Variants in PRR16 observed in about 807,000 individuals in gnomAD.
PRR16 encodes protein Largen.
In PRR16, 6 loss-of-function variants were observed where a neutral mutation model predicts 18.2. The observed-to-expected ratio is 0.33, with a 90% CI of 0.18 to 0.65. The LOEUF is 0.65. PRR16 is among the 30% of genes least tolerant of loss of function. The probability of loss-of-function intolerance (pLI) is 0.74; values close to 1 mark genes in which losing one functional copy is unlikely to be tolerated. For missense variants in PRR16, 412 were observed against 376.6 expected, an observed-to-expected ratio of 1.09 and a Z score of -0.78; for synonymous variants, 151 against 147.8, an observed-to-expected ratio of 1.02 and a Z score of -0.16.
chr5:120,591,265 C>T (rs892994333), intron 1 of PRR16, among the ~76,000 whole-genome samples: 8 of 151,634 alleles, frequency 5.3e-5, no homozygotes, highest in African/African-American at 1.5e-4. Context: ...GGTGAGAGTG[C>T]GAGACACCAT....
chr5:120,728,179 T>C, the PRR16 span, among the ~76,000 whole-genome samples: 1 of 152,042 alleles, frequency 6.6e-6, no homozygotes. Context: ...TTTACTGTAA[T>C]TTGTTTTTAT....
At chr5:120,677,845 A>G (rs933708046) in intron 1 of PRR16, among the ~76,000 whole-genome samples, 2 of 150,306 alleles carry the variant, frequency 1.3e-5, no homozygotes, top group Non-Finnish European at 3.0e-5. Context: ...GAAGAAAAGT[A>G]TATACTTAAA....
At chr5:120,486,422 G>C (rs188553041) in intron 1 of PRR16, among the ~76,000 whole-genome samples, 29,695 of 149,592 alleles carry the variant, frequency 0.2, 3,192 homozygotes, top group African/African-American at 0.26. Context: ...ATTTTTTCAT[G>C]GGTCTGTTGG....
At chr5:120,716,900 A>G in the PRR16 span, among the ~76,000 whole-genome samples, 1 of 152,040 alleles carries the variant, frequency 6.6e-6, no homozygotes, top group South Asian at 2.1e-4. Context: ...AAAACAAACA[A>G]AAATCATGGT....
chr5:120,713,840 C>T, the PRR16 span, among the ~76,000 whole-genome samples: 2 of 152,058 alleles, frequency 1.3e-5, no homozygotes, highest in East Asian at 3.8e-4. Flanking sequence ...TAAATAAGAA[C>T]ATATTTAGAG....
chr5:120,768,538 C>T, the PRR16 span, among the ~76,000 whole-genome samples: 1 of 151,568 alleles, frequency 6.6e-6, no homozygotes, highest in East Asian at 1.9e-4. Flanking sequence ...CCTTCAGGAA[C>T]TCCGAATCCT....
chr5:120,707,185 A>C, the PRR16 span, among the ~76,000 whole-genome samples: 7 of 152,338 alleles, frequency 4.6e-5, no homozygotes, highest in South Asian at 1.4e-3. Context: ...TTAGGGGGCT[A>C]TGAAGGCCAT....
intron 1 of PRR16, among the ~76,000 whole-genome samples, chr5:120,494,698 G>A (rs914103194): frequency 2.6e-5 from 4 of 151,970 alleles, no homozygotes; most frequent in Admixed American, 1.3e-4. Flanking sequence ...AATTCTGAAG[G>A]TCTTCCTCTA....
chr5:120,626,704 C>T (rs987121348), intron 1 of PRR16, among the ~76,000 whole-genome samples: 9 of 151,998 alleles, frequency 5.9e-5, no homozygotes, highest in Non-Finnish European at 1.5e-5. Context: ...AAAGCAGACT[C>T]GAAGTTTAAA....
intron 1 of PRR16, among the ~76,000 whole-genome samples, chr5:120,476,421 T>G (rs1749444847): frequency 6.6e-6 from 1 of 152,192 alleles, no homozygotes; most frequent in Non-Finnish European, 1.5e-5. Context: ...TTTGCTTATG[T>G]CACTTCACAG....
the PRR16 span, among the ~76,000 whole-genome samples, chr5:120,758,016 T>C: frequency 1.5e-5 from 1 of 65,256 alleles, no homozygotes; most frequent in African/African-American, 4.0e-5. Context: ...ATATGGCTAC[T>C]TTTGTAATTT....
the PRR16 span, among the ~76,000 whole-genome samples, chr5:120,706,696 T>C: frequency 1.3e-5 from 2 of 152,208 alleles, no homozygotes; most frequent in African/African-American, 4.8e-5. Context: ...ATAATAACTC[T>C]TGTCAAATAA....
the PRR16 span, among the ~76,000 whole-genome samples, chr5:120,764,290 T>G: frequency 1.3e-5 from 2 of 151,802 alleles, no homozygotes; most frequent in African/African-American, 4.8e-5. Context: ...TTTTACCAAA[T>G]GCGTTTTCTG....
At chr5:120,544,653 T>C (rs1752020036) in intron 1 of PRR16, among the ~76,000 whole-genome samples, 1 of 152,182 alleles carries the variant, frequency 6.6e-6, no homozygotes, top group Non-Finnish European at 1.5e-5. Flanking sequence ...ATTTTATTTC[T>C]TGAAAAAAGT....
rs572931426 is a variant in PRR16 at position 120,464,338 on chromosome 5, C to G, written c.-149C>G. 2.0e-4 allele frequency: 164 copies of G among 821,508 alleles called. No homozygotes were observed. Among genetic ancestry groups the G allele is most frequent in the Middle Eastern group, 1.2e-3 (3 of 2,482 alleles). 50.9% of individuals were successfully genotyped at this position (821,508 alleles called of 1,614,324 possible). A position where few individuals can be genotyped will look rare whatever the true frequency, so the allele number is the denominator to read the frequency against. On this transcript the variant is annotated 5_prime_UTR_variant, in exon 1 of 2. Transcript: ENST00000407149. ...ACCACTGTGCGGCCGCCCGGCCGAG[C>G]GCGGAGCGCAGCCACTCGCCGCTGC...
the PRR16 span, among the ~76,000 whole-genome samples, chr5:120,707,940 G>A: frequency 6.6e-6 from 1 of 152,056 alleles, no homozygotes; most frequent in African/African-American, 2.4e-5. Context: ...CCAATGGCCT[G>A]GTGAGAGAGA....
chr5:120,529,956 T>C (rs1751491446), intron 1 of PRR16, among the ~76,000 whole-genome samples: 1 of 151,616 alleles, frequency 6.6e-6, no homozygotes. Context: ...AAAAATAATA[T>C]AAAATTGAGT....
At chr5:120,505,286 G>C (rs527675710) in intron 1 of PRR16, among the ~76,000 whole-genome samples, 3 of 152,250 alleles carry the variant, frequency 2.0e-5, no homozygotes, top group African/African-American at 7.2e-5. Flanking sequence ...AATTTCTAAT[G>C]CATTTGGTTA....
chr5:120,752,774 T>TA, the PRR16 span, among the ~76,000 whole-genome samples: 6 of 151,874 alleles, frequency 4.0e-5, no homozygotes, highest in Non-Finnish European at 8.8e-5. Context: ...GTAGGGAAAA[T>TA]ACTCATTACG....
Sources: gnomAD v4.1 joint callset for allele counts (sites outside exome capture counted in the v4.1 genomes callset) on GRCh38, gnomAD v4.1.1 for gene constraint, MANE v1.5 for transcripts, NCBI Gene and HGNC (gene_info 2026-07-23, HGNC 2026-07-21) for gene names.